Variants in SMOX observed in about 807,000 individuals in gnomAD.
SMOX encodes the protein flavin containing amine oxidase.
SMOX carries 22 observed loss-of-function variants against 51.0 expected under a neutral mutation model. The observed-to-expected ratio is 0.43, with a 90% CI of 0.31 to 0.62. SMOX has a LOEUF of 0.62. SMOX is among the 20% of genes least tolerant of loss of function. The pLI is 0.10. For synonymous variants in SMOX, 282 were observed against 307.8 expected (o/e 0.92, Z 0.88); for missense variants, 566 against 777.7 (o/e 0.73, Z 3.24).
chr20:4,168,588 G>A (rs1238862084), intron 1 of SMOX, among the ~76,000 whole-genome samples: 4 of 148,618 alleles, frequency 2.7e-5, no homozygotes, highest in Non-Finnish European at 4.4e-5. Flanking sequence ...ACGGAGTCTC[G>A]CTCTGTCACC....
chr20:4,153,818 G>A lies in SMOX; in HGVS notation c.-27+4841G>A, dbSNP rs888666044. On this transcript the variant is annotated intron_variant, in intron 1 of 6. Coordinates refer to ENST00000305958, the MANE Select transcript of SMOX (RefSeq NM_175839.3). This position sits in a 1 kb window ranked among gnomAD's most constrained non-coding sequence, Gnocchi z 4.4. Reference sequence around the variant, plus strand: ...TGCCCAAGTCCTTGTCTGCTGAGTCGAAGTGAAGGCTGTGGCCAAGCCTGA... The same window carrying A: ...TGCCCAAGTCCTTGTCTGCTGAGTCAAAGTGAAGGCTGTGGCCAAGCCTGA... Among the ~76,000 whole-genome samples the A allele has an allele frequency of 3.3e-5, 5 of 152,148 alleles. No homozygotes were observed. Among genetic ancestry groups the A allele is most frequent in the Admixed American group, 2.0e-4 (3 of 15,272 alleles).
Position 4,187,401 on chromosome 20 carries a change from G to A in SMOX, c.1662G>A (p.Gly554=), listed in dbSNP as rs1392426249. The A allele has an allele frequency of 6.8e-6, 11 of 1,613,754 alleles. No individual in the cohort carries two copies. Among genetic ancestry groups the A allele is most frequent in the Non-Finnish European group, 7.6e-6 (9 of 1,179,894 alleles). ...IEMYRDLFQQ[G]T is the part of the protein sequence containing the mutation. The stretch of plus-strand genomic sequence containing the variant: ...TGTACCGAGACCTCTTCCAGCAGGG[G>A]ACCTGAGGGCTGTCCTCGCTGCTGA... The change falls in exon 7 of 7, where the codon GGG becomes GGA. Residue 554 remains glycine, a synonymous_variant. Transcript: ENST00000305958. The surrounding 1 kb of genome is among the most constrained non-coding windows in gnomAD (Gnocchi z 4.8).
intron 1 of SMOX, among the ~76,000 whole-genome samples, chr20:4,159,839 G>A (rs895565993): frequency 6.6e-6 from 1 of 152,212 alleles, no homozygotes; most frequent in Non-Finnish European, 1.5e-5. Flanking sequence ...TTGAGACCTG[G>A]TTCCAGCCCT....
intron 6 of SMOX, chr20:4,186,892 T>G: frequency 1.3e-6 from 1 of 765,378 alleles, no homozygotes; most frequent in East Asian, 2.4e-5. Context: ...CTAAGTGCTT[T>G]AGATACATGA....
Position 4,182,840 on chromosome 20 carries a change from A to C in SMOX, c.1361A>C (p.Gln454Pro), listed in dbSNP as rs1979452111. The change falls in exon 5 of 7, where the codon CAG (glutamine) becomes CCG (proline). Residue 454 changes from glutamine (Q) to proline (P), a missense_variant. By Grantham distance (76) the Gln-to-Pro change is moderately conservative (BLOSUM62 -1). Around this residue, in one of 3 missense-constraint regions of SMOX, gnomAD observed 347 missense variants for 481.8 expected, o/e 0.72. Transcript: ENST00000305958. This position sits in a 1 kb window ranked among gnomAD's most constrained non-coding sequence, Gnocchi z 8.4. ...GAGATCTGCACGGAGATGCTGCGTC[A>C]GTTCACAGGTGCGCCACGTGCCCCA... ...VAEICTEMLR[Q>P]FTGNPNIPKP... 1 of 1,603,966 alleles carries C rather than the reference A, an allele frequency of 6.2e-7. No individual in the cohort carries two copies.
intron 1 of SMOX, among the ~76,000 whole-genome samples, chr20:4,161,132 G>C (rs1327233796): frequency 6.6e-6 from 1 of 152,180 alleles, no homozygotes; most frequent in East Asian, 1.9e-4. Context: ...GGCAGGGATA[G>C]GGGAGAAGCC....
In SMOX at chr20:4,187,112, G is replaced by A. The variant is rs775278416; in HGVS notation, c.1531-158G>A. Among the ~76,000 whole-genome samples, 6 of 152,206 alleles carry A rather than the reference G, an allele frequency of 3.9e-5. No homozygotes were observed. Among genetic ancestry groups the A allele is most frequent in the African/African-American group, 1.4e-4 (6 of 41,456 alleles). ...GAAGCAGGGGAAAGTGGCCAGATAG[G>A]ATGGGCAGCTCTTCATCCTGTGGAA... On this transcript the variant is annotated intron_variant, in intron 6 of 6. Transcript: ENST00000305958. The surrounding 1 kb of genome is among the most constrained non-coding windows in gnomAD (Gnocchi z 4.8).
At chr20:4,178,943 A>G (rs1979111271) in intron 3 of SMOX, among the ~76,000 whole-genome samples, 1 of 152,160 alleles carries the variant, frequency 6.6e-6, no homozygotes, top group South Asian at 2.1e-4. Flanking sequence ...TTGGTCTCCC[A>G]AAGTGCTGGG....
In SMOX at chr20:4,182,814, C is replaced by T. The variant is rs1741326; in HGVS notation, c.1335C>T (p.Ala445=). The T allele has an allele frequency of 3.0e-3, 4,771 of 1,610,598 alleles. 117 individuals carry two copies. The African/African-American group carries it at 0.056, about 19-fold the overall frequency. ...VMEKCDDEAV[A]EICTEMLRQF... is the part of the protein sequence containing the mutation. ...AGAAGTGTGATGACGAGGCAGTGGCCGAGATCTGCACGGAGATGCTGCGTC... is the reference window on the plus strand; with the variant it reads ...AGAAGTGTGATGACGAGGCAGTGGCTGAGATCTGCACGGAGATGCTGCGTC... The change falls in exon 5 of 7, where the codon GCC becomes GCT. Residue 445 remains alanine, a synonymous_variant. Transcript: ENST00000305958. This position sits in a 1 kb window ranked among gnomAD's most constrained non-coding sequence, Gnocchi z 8.4.
rs1444387341 is a variant in SMOX at position 4,170,754 on chromosome 20, G to A, written c.-26-4276G>A. ...CCCTCTTTTCCTCTCTCCATACCCT[G>A]CTGCCTTCCTGTGTCCAATGTGGCC... On this transcript the variant is annotated intron_variant, in intron 1 of 6. Coordinates refer to ENST00000305958, the MANE Select transcript of SMOX (RefSeq NM_175839.3). This position sits in a 1 kb window ranked among gnomAD's most constrained non-coding sequence, Gnocchi z 4.6. Among the ~76,000 whole-genome samples the A allele has an allele frequency of 6.6e-6, 1 of 152,176 alleles. No homozygotes were observed. The highest frequency in any genetic ancestry group is 1.5e-5 in the Non-Finnish European group (1 of 68,026).
intron 1 of SMOX, among the ~76,000 whole-genome samples, chr20:4,168,128 G>A (rs1986650516): frequency 6.6e-6 from 1 of 151,548 alleles, no homozygotes; most frequent in Non-Finnish European, 1.5e-5. Flanking sequence ...TAGGGGTGGG[G>A]GGGTGGGGAG....
In SMOX at chr20:4,173,544, A is replaced by G. The variant is rs190954549; in HGVS notation, c.-26-1486A>G. Among the ~76,000 whole-genome samples, 5 of 152,172 alleles carry G rather than the reference A, an allele frequency of 3.3e-5. No homozygotes were observed. In the East Asian group the frequency reaches 9.6e-4, roughly 29 times the overall value. ...ATATAGGTGCTGTGCACACTCTTTA[A>G]CTTGTGTCTTTGGTGGAATGTGCCC... On this transcript the variant is annotated intron_variant, in intron 1 of 6. Coordinates refer to ENST00000305958, the MANE Select transcript of SMOX (RefSeq NM_175839.3).
chr20:4,169,485 C>T (rs184149516), intron 1 of SMOX, among the ~76,000 whole-genome samples: 2 of 152,252 alleles, frequency 1.3e-5, no homozygotes, highest in East Asian at 3.9e-4. Context: ...CACTGCACAC[C>T]CAGCTGGGTG....
chr20:4,152,671 C>T (rs962656477), intron 1 of SMOX, among the ~76,000 whole-genome samples: 1 of 152,110 alleles, frequency 6.6e-6, no homozygotes, highest in Non-Finnish European at 1.5e-5. Flanking sequence ...CAAGCAGAGG[C>T]CAAGAGGCAG....
In SMOX at chr20:4,182,169, C is replaced by T. The variant is rs754520635; in HGVS notation, c.690C>T (p.Gly230=). ...SAFGEWTEIP[G]AHHIIPSGFM... ...TCGGGGAGTGGACCGAGATCCCCGG[C>T]GCTCACCACATCATCCCCTCGGGCT... Residue 230 remains glycine, a synonymous_variant, in exon 5 of 7, where the codon GGC becomes GGT. Coordinates refer to ENST00000305958, the MANE Select transcript of SMOX (RefSeq NM_175839.3). The surrounding 1 kb of genome is among the most constrained non-coding windows in gnomAD (Gnocchi z 8.4). 25 of 1,613,164 alleles carry T rather than the reference C, an allele frequency of 1.5e-5. No individual in the cohort carries two copies. Among genetic ancestry groups the T allele is most frequent in the African/African-American group, 5.3e-5 (4 of 74,924 alleles).
chr20:4,162,807 C>T (rs1284334917), intron 1 of SMOX, among the ~76,000 whole-genome samples: 1 of 152,230 alleles, frequency 6.6e-6, no homozygotes, highest in African/African-American at 2.4e-5. Flanking sequence ...TCACTCAGAG[C>T]TAGACCCCAT....
intron 1 of SMOX, among the ~76,000 whole-genome samples, chr20:4,164,288 G>C (rs1986457991): frequency 6.6e-6 from 1 of 152,152 alleles, no homozygotes; most frequent in African/African-American, 2.4e-5. Context: ...GATCTTCCCT[G>C]CAGTGACTAC....
rs1986788061 is a variant in SMOX, at chr20:4,170,720, G to T, written c.-26-4310G>T. Among the ~76,000 whole-genome samples, 1 of 152,092 alleles carries T rather than the reference G, an allele frequency of 6.6e-6. No individual in the cohort carries two copies. The highest frequency in any genetic ancestry group is 1.9e-4 in the East Asian group (1 of 5,188). On this transcript the variant is annotated intron_variant, in intron 1 of 6. Transcript: ENST00000305958. The surrounding 1 kb of genome is among the most constrained non-coding windows in gnomAD (Gnocchi z 4.6). ...TTTGGCAACCCTGCCACAGGACGGGGTTTTTCCTCCCTCTTTTCCTCTCTC... is the reference window on the plus strand; with the variant it reads ...TTTGGCAACCCTGCCACAGGACGGGTTTTTTCCTCCCTCTTTTCCTCTCTC...
chr20:4,156,094 C>G (rs1765005), intron 1 of SMOX, among the ~76,000 whole-genome samples: 71,370 of 152,060 alleles, frequency 0.47, 17,027 homozygotes, highest in Admixed American at 0.54. Context: ...AGGGTAGAAA[C>G]TGGCAAATTC....
Sources: allele counts gnomAD v4.1 joint callset (sites outside exome capture counted in the v4.1 genomes callset), GRCh38; gene constraint gnomAD v4.1.1; regional missense constraint gnomAD v4.1.1; non-coding constraint Gnocchi (gnomAD v3.1); transcripts MANE v1.5; gene names NCBI Gene and HGNC (gene_info 2026-07-23, HGNC 2026-07-21).